GNA14: variants seen among roughly 807,000 people sequenced by gnomAD.
The protein encoded by GNA14 is guanine nucleotide-binding protein subunit alpha-14.
In GNA14, 50 loss-of-function variants were observed where a neutral mutation model predicts 42.0. That is an observed-to-expected ratio of 1.19 (90% CI 0.95 to 1.51). The LOEUF (loss-of-function observed/expected upper bound fraction) is 1.51. Ranked by LOEUF, GNA14 falls within the 40% of genes most tolerant of loss-of-function variation. GNA14 has a pLI of 0.00. For missense variants in GNA14, 473 were observed against 446.2 expected, an observed-to-expected ratio of 1.06 and a Z score of -0.54; for synonymous variants, 173 against 163.1, an observed-to-expected ratio of 1.06 and a Z score of -0.46.
chr9:77,595,764 A>G (rs779677222), intron 1 of GNA14, among the ~76,000 whole-genome samples: 28 of 152,324 alleles, frequency 1.8e-4, no homozygotes, highest in Middle Eastern at 6.8e-3. Context: ...GAATTTTACC[A>G]TAGCAGAATT....
intron 1 of GNA14, among the ~76,000 whole-genome samples, chr9:77,570,871 A>G (rs1184957774): frequency 6.6e-6 from 1 of 150,970 alleles, no homozygotes; most frequent in Non-Finnish European, 1.5e-5. Context: ...CTGAGCTCTC[A>G]AATTTTAATG....
At chr9:77,538,398 T>C (rs1837621876) in intron 1 of GNA14, among the ~76,000 whole-genome samples, 1 of 152,184 alleles carries the variant, frequency 6.6e-6, no homozygotes, top group African/African-American at 2.4e-5. Context: ...AGGATTGCTT[T>C]GCTTTGGCTA....
intron 2 of GNA14, among the ~76,000 whole-genome samples, chr9:77,479,337 A>G (rs1836498238): frequency 6.6e-6 from 1 of 151,998 alleles, no homozygotes. Context: ...GGTTGTAGAT[A>G]TGCGGCATTA....
At chr9:77,427,126 T>C (rs1312300373) in intron 5 of GNA14, among the ~76,000 whole-genome samples, 1 of 152,130 alleles carries the variant, frequency 6.6e-6, no homozygotes. Flanking sequence ...AAGTCTGGAG[T>C]GGCAACCACT....
At chr9:77,519,688 T>C (rs1452887898) in intron 2 of GNA14, among the ~76,000 whole-genome samples, 1 of 152,030 alleles carries the variant, frequency 6.6e-6, no homozygotes, top group Non-Finnish European at 1.5e-5. Context: ...ACTTAATGGG[T>C]ACAATGTACA....
chr9:77,618,291 G>A lies in GNA14; in HGVS notation c.124+29379C>T, dbSNP rs144858381. 8.6e-3 allele frequency among the ~76,000 whole-genome samples: 1,300 copies of A among 151,912 alleles called. 22 individuals carry two copies. Among genetic ancestry groups the A allele is most frequent in the African/African-American group, 0.03 (1,237 of 41,438 alleles). ...ATTAGTATCTTAAAATGTTTTCTCC[G>A]TGCTACTGAAGCAGGTAAGAAACAA... is the stretch of plus-strand genomic sequence containing the variant. On this transcript the variant is annotated intron_variant, in intron 1 of 6. Transcript: ENST00000341700.
rs148109567 is a variant in GNA14, at chr9:77,519,464, T to C, written c.309+9605A>G. Among the ~76,000 whole-genome samples the C allele has an allele frequency of 1.5e-4, 23 of 152,284 alleles. 1 individual carries two copies. Among genetic ancestry groups the C allele is most frequent in the African/African-American group, 5.5e-4 (23 of 41,560 alleles). On this transcript the variant is annotated intron_variant, in intron 2 of 6. Coordinates refer to ENST00000341700, the MANE Select transcript of GNA14 (RefSeq NM_004297.4). ...CCAAAGCCAAAAACCTTTTAACAATTTGTTTATATCGGATTAGTTAATGTA... is the reference window on the plus strand; with the variant it reads ...CCAAAGCCAAAAACCTTTTAACAATCTGTTTATATCGGATTAGTTAATGTA...
intron 1 of GNA14, among the ~76,000 whole-genome samples, chr9:77,644,436 T>G (rs1439996946): frequency 5.7e-5 from 2 of 35,168 alleles, no homozygotes; most frequent in African/African-American, 4.7e-4. Context: ...CTAAAGAGTG[T>G]CAAAAAAAAA....
At chr9:77,466,430 C>T (rs1836228034) in intron 2 of GNA14, among the ~76,000 whole-genome samples, 1 of 152,184 alleles carries the variant, frequency 6.6e-6, no homozygotes, top group Non-Finnish European at 1.5e-5. Context: ...GGGTTGTACA[C>T]TTCAACTTCA....
At chr9:77,548,628 G>C (rs1564051098) in intron 1 of GNA14, among the ~76,000 whole-genome samples, 1 of 152,206 alleles carries the variant, frequency 6.6e-6, no homozygotes. Flanking sequence ...CCTCTAACAT[G>C]AAAGGGTCTC....
chr9:77,506,822 T>C (rs754959271), intron 2 of GNA14, among the ~76,000 whole-genome samples: 14 of 152,228 alleles, frequency 9.2e-5, no homozygotes, highest in African/African-American at 1.9e-4. Flanking sequence ...CACTACCATA[T>C]TGGACAGCAA....
intron 1 of GNA14, among the ~76,000 whole-genome samples, chr9:77,608,598 T>C (rs980349580): frequency 6.6e-6 from 1 of 152,138 alleles, no homozygotes; most frequent in Non-Finnish European, 1.5e-5. Flanking sequence ...CCTTGACCTG[T>C]GGTAAGAGTG....
intron 2 of GNA14, among the ~76,000 whole-genome samples, chr9:77,489,221 CAGTT>C (rs1344538538): frequency 7.3e-5 from 11 of 151,578 alleles, no homozygotes; most frequent in East Asian, 3.9e-4. Context: ...TGAAAATACA[CAGTT>C]AGAGGGAAAA....
intron 2 of GNA14, among the ~76,000 whole-genome samples, chr9:77,516,737 G>T (rs1354535526): frequency 6.6e-6 from 1 of 151,236 alleles, no homozygotes; most frequent in South Asian, 2.1e-4. Flanking sequence ...GGTGGGGGGC[G>T]GTAGGGGGCA....
chr9:77,563,401 G>C (rs1193814590), intron 1 of GNA14, among the ~76,000 whole-genome samples: 1 of 152,150 alleles, frequency 6.6e-6, no homozygotes, highest in Non-Finnish European at 1.5e-5. Flanking sequence ...TATTTTCAAA[G>C]CTTAGGAAAA....
In GNA14 at chr9:77,647,907, C is replaced by G; in HGVS notation, c.-114G>C. On this transcript the variant is annotated 5_prime_UTR_variant, in exon 1 of 7. Coordinates refer to ENST00000341700, the MANE Select transcript of GNA14 (RefSeq NM_004297.4). Reference sequence around the variant, plus strand: ...GGCACAGGGGTGTGGAAAGAAAAGACGGGGGCCGACTTGAGCTTTGGAGTA... The same window carrying G: ...GGCACAGGGGTGTGGAAAGAAAAGAGGGGGGCCGACTTGAGCTTTGGAGTA... The G allele has an allele frequency of 7.9e-7, 1 of 1,264,356 alleles. No homozygotes were observed. Among genetic ancestry groups the G allele is most frequent in the Non-Finnish European group, 1.1e-6 (1 of 924,024 alleles). 78.3% of individuals were successfully genotyped at this position (1,264,356 alleles called of 1,614,324 possible). A position where few individuals can be genotyped will look rare whatever the true frequency, so the allele number is the denominator to read the frequency against.
chr9:77,577,805 T>A lies in GNA14; in HGVS notation c.125-48552A>T, dbSNP rs537004035. ...CCCATCAAATGGCCTCAAAACTTCT[T>A]CTCCCAGTAGTCATGTTTTTTTTTA... is the stretch of plus-strand genomic sequence containing the variant. On this transcript the variant is annotated intron_variant, in intron 1 of 6. Transcript: ENST00000341700. 3.3e-5 allele frequency among the ~76,000 whole-genome samples: 5 copies of A among 152,134 alleles called. No homozygotes were observed. The East Asian group carries it at 9.7e-4, about 29-fold the overall frequency.
chr9:77,439,575 T>C (rs1835695084), intron 2 of GNA14, among the ~76,000 whole-genome samples: 1 of 152,220 alleles, frequency 6.6e-6, no homozygotes, highest in Admixed American at 6.5e-5. Context: ...AGGTCAAGGC[T>C]GCAGCGAGCC....
chr9:77,426,541 C>T (rs1426941501), intron 5 of GNA14, among the ~76,000 whole-genome samples: 13 of 152,030 alleles, frequency 8.6e-5, no homozygotes, highest in South Asian at 2.1e-4. Context: ...CCTGACCTCG[C>T]GATCCGCCCG....
Sources: gnomAD v4.1 joint callset for allele counts (sites outside exome capture counted in the v4.1 genomes callset) on GRCh38, gnomAD v4.1.1 for gene constraint, MANE v1.5 for transcripts, NCBI Gene and HGNC (gene_info 2026-07-23, HGNC 2026-07-21) for gene names.